Variants in GABBR2 observed in about 807,000 individuals in gnomAD.
GABBR2 encodes the protein G-protein coupled receptor 51.
Under a neutral mutation model 105.6 loss-of-function variants are expected in GABBR2, and 23 were observed. That is an observed-to-expected ratio of 0.22 (90% CI 0.16 to 0.31). The LOEUF (loss-of-function observed/expected upper bound fraction) is 0.31. Among genes scored for constraint, GABBR2 ranks in the 10% least tolerant of loss-of-function variants. The pLI, the probability that GABBR2 is intolerant of heterozygous loss-of-function variation, is 1.00. For missense variants in GABBR2, 734 were observed against 1,245.5 expected (o/e 0.59, Z 6.18); for synonymous variants, 478 against 499.7 (o/e 0.96, Z 0.58).
chr9:98,396,528 G>A (rs1832294350), intron 8 of GABBR2, among the ~76,000 whole-genome samples: 1 of 152,172 alleles, frequency 6.6e-6, no homozygotes, highest in Admixed American at 6.5e-5. Context: ...TCGCCATTTA[G>A]GGGGCATCAC....
chr9:98,401,661 T>C (rs1347431482), intron 8 of GABBR2, among the ~76,000 whole-genome samples: 3 of 152,152 alleles, frequency 2.0e-5, no homozygotes, highest in Admixed American at 6.5e-5. Context: ...TCCAGACCCA[T>C]GACTTGGTGA....
chr9:98,565,065 G>A (rs1828732335), intron 2 of GABBR2, among the ~76,000 whole-genome samples: 1 of 152,204 alleles, frequency 6.6e-6, no homozygotes, highest in Non-Finnish European at 1.5e-5. Context: ...TTAGCATGAG[G>A]GGAAAGGACC....
chr9:98,485,682 C>T (rs994282226), intron 4 of GABBR2, among the ~76,000 whole-genome samples: 1 of 152,200 alleles, frequency 6.6e-6, no homozygotes, highest in Non-Finnish European at 1.5e-5. Context: ...TCAGCCCCAC[C>T]CTGGGAGGTG....
intron 1 of GABBR2, among the ~76,000 whole-genome samples, chr9:98,643,735 G>A (rs1588266159): frequency 6.6e-6 from 1 of 152,200 alleles, no homozygotes; most frequent in African/African-American, 2.4e-5. Context: ...GCAGAGATGG[G>A]CACAGCCCCC....
chr9:98,288,290 T>G lies in GABBR2; in HGVS notation c.*2294A>C, dbSNP rs987381200. On this transcript the variant is annotated 3_prime_UTR_variant, in exon 19 of 19. Coordinates refer to ENST00000259455, the MANE Select transcript of GABBR2 (RefSeq NM_005458.8). ...CTTCAGAAATGGACGGTGTGTTTGCTGCATATAAAAGAACAGAACCATTAA... is the reference window on the plus strand; with the variant it reads ...CTTCAGAAATGGACGGTGTGTTTGCGGCATATAAAAGAACAGAACCATTAA... 2 of 152,576 alleles carry G rather than the reference T, an allele frequency of 1.3e-5. No individual in the cohort carries two copies. Among genetic ancestry groups the G allele is most frequent in the African/African-American group, 2.4e-5 (1 of 41,420 alleles). 9.5% of individuals were successfully genotyped at this position (152,576 alleles called of 1,614,324 possible). A position where few individuals can be genotyped will look rare whatever the true frequency, so the allele number is the denominator to read the frequency against.
intron 1 of GABBR2, among the ~76,000 whole-genome samples, chr9:98,645,047 G>A (rs1476144903): frequency 6.6e-6 from 1 of 152,166 alleles, no homozygotes; most frequent in Non-Finnish European, 1.5e-5. Flanking sequence ...TGAGGCACAC[G>A]CTGACAAGAC....
At chr9:98,583,338 C>G (rs371963417) in intron 1 of GABBR2, among the ~76,000 whole-genome samples, 1 of 152,318 alleles carries the variant, frequency 6.6e-6, no homozygotes, top group African/African-American at 2.4e-5. Context: ...GGGGCTGGAT[C>G]AGCTTAGAGT....
chr9:98,403,761 A>AT (rs1832441350), intron 8 of GABBR2, among the ~76,000 whole-genome samples: 2 of 144,328 alleles, frequency 1.4e-5, no homozygotes. Flanking sequence ...AAAAAAATAT[A>AT]TATATATATA....
At chr9:98,395,255 A>G (rs1395535201) in intron 8 of GABBR2, among the ~76,000 whole-genome samples, 1 of 152,116 alleles carries the variant, frequency 6.6e-6, no homozygotes, top group Non-Finnish European at 1.5e-5. Context: ...TCTGGTGGGG[A>G]TGAGGAGTTT....
intron 2 of GABBR2, among the ~76,000 whole-genome samples, chr9:98,570,041 C>T (rs148264175): frequency 3.3e-5 from 5 of 152,324 alleles, no homozygotes; most frequent in South Asian, 2.1e-4. Flanking sequence ...GGCATGCTTT[C>T]GAGTTTTCAG....
At chr9:98,438,062 A>G (rs1295846460) in intron 7 of GABBR2, among the ~76,000 whole-genome samples, 1 of 147,714 alleles carries the variant, frequency 6.8e-6, no homozygotes, top group African/African-American at 2.5e-5. Flanking sequence ...ACCCATCTGT[A>G]TCCATCCACC....
At chr9:98,292,431 C>T (rs1377488075) in intron 18 of GABBR2, among the ~76,000 whole-genome samples, 2 of 152,152 alleles carry the variant, frequency 1.3e-5, no homozygotes, top group Admixed American at 6.5e-5. Context: ...AGCCTTATCC[C>T]AACTGGGTGT....
At chr9:98,698,838 T>G (rs558678563) in intron 1 of GABBR2, among the ~76,000 whole-genome samples, 1 of 152,244 alleles carries the variant, frequency 6.6e-6, no homozygotes, top group Admixed American at 6.5e-5. Flanking sequence ...GGTCCAGACC[T>G]ATTCTGTCAC....
chr9:98,675,454 G>T (rs1197861152), intron 1 of GABBR2, among the ~76,000 whole-genome samples: 1 of 152,184 alleles, frequency 6.6e-6, no homozygotes, highest in Non-Finnish European at 1.5e-5. Flanking sequence ...GCGGACACAG[G>T]GGAGGGCCAA....
intron 7 of GABBR2, among the ~76,000 whole-genome samples, chr9:98,410,217 G>T (rs1388569635): frequency 6.6e-6 from 1 of 151,612 alleles, no homozygotes; most frequent in Non-Finnish European, 1.5e-5. Context: ...TTAAGCTTTC[G>T]TCTTGTGCAA....
At chr9:98,321,880 T>G (rs139730340) in intron 13 of GABBR2, among the ~76,000 whole-genome samples, 121 of 152,276 alleles carry the variant, frequency 7.9e-4, no homozygotes, top group Non-Finnish European at 1.5e-3. Flanking sequence ...TGCATGCTTT[T>G]GCCCCCTTCC....
intron 3 of GABBR2, among the ~76,000 whole-genome samples, chr9:98,501,129 C>CT (rs1315249848): frequency 1.4e-5 from 2 of 143,756 alleles, no homozygotes; most frequent in South Asian, 2.3e-4. Context: ...ACCACTGCCC[C>CT]CCCCCCTTCC....
intron 1 of GABBR2, among the ~76,000 whole-genome samples, chr9:98,703,731 A>T (rs769583243): frequency 3.8e-4 from 58 of 152,110 alleles, no homozygotes; most frequent in Middle Eastern, 3.4e-3. Flanking sequence ...GGCCTCAAGC[A>T]ATCCTCTCAC....
chr9:98,634,147 T>TA (rs1463492735), intron 1 of GABBR2, among the ~76,000 whole-genome samples: 1 of 151,930 alleles, frequency 6.6e-6, no homozygotes. Context: ...AGGTGTAGGG[T>TA]AGGACAATAA....
Sources: allele counts gnomAD v4.1 joint callset (sites outside exome capture counted in the v4.1 genomes callset), GRCh38; gene constraint gnomAD v4.1.1; transcripts MANE v1.5; gene names NCBI Gene and HGNC (gene_info 2026-07-23, HGNC 2026-07-21).